Variants in RASSF8 observed in about 807,000 individuals in gnomAD.
The protein encoded by RASSF8 is Ras association domain family member 8.
A neutral mutation model predicts 48.5 loss-of-function variants in RASSF8; 22 were observed. That is an observed-to-expected ratio of 0.45 (90% CI 0.32 to 0.65). The LOEUF (loss-of-function observed/expected upper bound fraction) is 0.65. Ranked by LOEUF, RASSF8 falls within the 30% of genes least tolerant of loss-of-function variation. The pLI is 0.03. For missense variants in RASSF8, 418 were observed against 489.2 expected (o/e 0.85, Z 1.37); for synonymous variants, 127 against 171.5 (o/e 0.74, Z 2.03).
intron 2 of RASSF8, among the ~76,000 whole-genome samples, chr12:26,041,597 G>A (rs908621240): frequency 4.1e-4 from 62 of 152,108 alleles, no homozygotes; most frequent in Middle Eastern, 3.4e-3. Context: ...GAGTGGGGGG[G>A]TGTACACACC....
intron 2 of RASSF8, among the ~76,000 whole-genome samples, chr12:26,013,632 T>C (rs1592266634): frequency 7.9e-5 from 1 of 12,580 alleles, no homozygotes; most frequent in African/African-American, 2.3e-4. Flanking sequence ...AAAACTTCAC[T>C]TTTTTTTTTT....
intron 2 of RASSF8, among the ~76,000 whole-genome samples, chr12:26,005,602 C>A (rs189479294): frequency 6.6e-6 from 1 of 152,172 alleles, no homozygotes; most frequent in Admixed American, 6.5e-5. Context: ...AAGGCTATTT[C>A]TTTTATCTAA....
chr12:26,017,815 C>T (rs1242450548), intron 2 of RASSF8, among the ~76,000 whole-genome samples: 1 of 152,176 alleles, frequency 6.6e-6, no homozygotes, highest in East Asian at 1.9e-4. Flanking sequence ...CCTCTCTTGG[C>T]AAAACTTCAC....
chr12:26,032,253 A>G (rs567271012), intron 2 of RASSF8, among the ~76,000 whole-genome samples: 36 of 152,314 alleles, frequency 2.4e-4, no homozygotes, highest in African/African-American at 8.4e-4. Flanking sequence ...TTATGGGAAT[A>G]TTGTGTATGT....
Position 26,070,326 on chromosome 12 carries a change from G to A in RASSF8, c.*1508G>A. 1 of 985,322 alleles carries A rather than the reference G, an allele frequency of 1.0e-6. No individual in the cohort carries two copies. The highest frequency in any genetic ancestry group is 1.2e-6 in the Non-Finnish European group (1 of 829,874). 61.0% of individuals were successfully genotyped at this position (985,322 alleles called of 1,614,324 possible). A position where few individuals can be genotyped will look rare whatever the true frequency, so the allele number is the denominator to read the frequency against. On this transcript the variant is annotated 3_prime_UTR_variant, in exon 6 of 6. Transcript: ENST00000689635. ...TGGTTTAGTGAATGCTGACAATGCT[G>A]CTCTACTTAGGTTTCCTATGAAATT...
chr12:25,967,350 C>T (rs1388646739), intron 1 of RASSF8, among the ~76,000 whole-genome samples: 1 of 152,110 alleles, frequency 6.6e-6, no homozygotes, highest in Non-Finnish European at 1.5e-5. Context: ...ACATACATAC[C>T]TTATCCCTTT....
chr12:26,070,221 A>G lies in RASSF8; in HGVS notation c.*1403A>G, dbSNP rs1349745030. On this transcript the variant is annotated 3_prime_UTR_variant, in exon 6 of 6. Transcript: ENST00000689635. ...TGCAACAAAATAAAAGTGGATTAATATAGTAATGCCATGGTAACAATAGAG... is the reference window on the plus strand; with the variant it reads ...TGCAACAAAATAAAAGTGGATTAATGTAGTAATGCCATGGTAACAATAGAG... 9 of 970,460 alleles carry G rather than the reference A, an allele frequency of 9.3e-6. No individual in the cohort carries two copies. Among genetic ancestry groups the G allele is most frequent in the South Asian group, 9.6e-5 (2 of 20,928 alleles). The allele number at this position is 970,460 out of a possible 1,614,324, so 60.1% of individuals were successfully genotyped here. A position where few individuals can be genotyped will look rare whatever the true frequency, so the allele number is the denominator to read the frequency against.
At chr12:26,068,540 G>T (rs1488762524) in intron 5 of RASSF8, among the ~76,000 whole-genome samples, 157 bp from the exon 6 acceptor site, 1 of 152,154 alleles carries the variant, frequency 6.6e-6, no homozygotes, top group Non-Finnish European at 1.5e-5. Context: ...ACCTGAGAAG[G>T]TTTTAGCCTT....
At position 26,071,411 on chromosome 12, in the gene RASSF8, A is replaced by T. The variant is rs531682607; in HGVS notation, c.*2593A>T. On this transcript the variant is annotated 3_prime_UTR_variant, in exon 6 of 6. Coordinates refer to ENST00000689635, the MANE Select transcript of RASSF8 (RefSeq NM_001394098.1). ...GATTTCAATGTTTTGTGTTTTTTTT[A>T]AAAAAATCATATTGCAACTTGTTTT... 1.3e-4 allele frequency: 118 copies of T among 942,012 alleles called. No individual in the cohort carries two copies. The African/African-American group carries it at 1.6e-3, about 13-fold the overall frequency. 58.4% of individuals were successfully genotyped at this position (942,012 alleles called of 1,614,324 possible). A position where few individuals can be genotyped will look rare whatever the true frequency, so the allele number is the denominator to read the frequency against.
intron 2 of RASSF8, among the ~76,000 whole-genome samples, chr12:26,012,377 C>A (rs987951440): frequency 6.6e-6 from 1 of 152,162 alleles, no homozygotes; most frequent in Non-Finnish European, 1.5e-5. Flanking sequence ...TCCTCTTTTT[C>A]CTCAAATAGC....
At chr12:25,972,340 A>G (rs1941503323) in intron 1 of RASSF8, among the ~76,000 whole-genome samples, 1 of 152,126 alleles carries the variant, frequency 6.6e-6, no homozygotes, top group Admixed American at 6.5e-5. Flanking sequence ...AGGATACAGT[A>G]AGTACATAAA....
intron 3 of RASSF8, among the ~76,000 whole-genome samples, chr12:26,063,655 C>G (rs1301070147): frequency 6.6e-6 from 1 of 152,094 alleles, no homozygotes; most frequent in African/African-American, 2.4e-5. Flanking sequence ...CCACCTTTGC[C>G]TCCCAAAATA....
In RASSF8 at chr12:26,001,806, A is replaced by G. The variant is rs989286489; in HGVS notation, c.-109+6676A>G. 2.6e-5 allele frequency among the ~76,000 whole-genome samples: 4 copies of G among 152,218 alleles called. No homozygotes were observed. In the South Asian group the frequency reaches 8.3e-4, roughly 32 times the overall value. Reference sequence around the variant, plus strand: ...TTAACTTAAAAAAAAAAAGGAAGGAATACCCTTTAAAGTGTGGATTAAGAG... The same window carrying G: ...TTAACTTAAAAAAAAAAAGGAAGGAGTACCCTTTAAAGTGTGGATTAAGAG... On this transcript the variant is annotated intron_variant, in intron 2 of 5. Coordinates refer to ENST00000689635, the MANE Select transcript of RASSF8 (RefSeq NM_001394098.1).
exon 6 of RASSF8, chr12:26,079,640 A>G (rs1440270058): frequency 6.6e-6 from 1 of 152,170 alleles, no homozygotes; most frequent in Admixed American, 6.6e-5. Flanking sequence ...AAAACAGCCA[A>G]CAGGTATATG....
rs548200768 is a variant in RASSF8 at position 26,019,728 on chromosome 12, C to G, written c.-109+24598C>G. On this transcript the variant is annotated intron_variant, in intron 2 of 5. Coordinates refer to ENST00000689635, the MANE Select transcript of RASSF8 (RefSeq NM_001394098.1). ...ACCATGTTATTTTTAAAAATTATTA[C>G]TATTTTTTATTATGTCATATTGTAG... 1.3e-3 allele frequency among the ~76,000 whole-genome samples: 197 copies of G among 152,188 alleles called. 2 individuals carry two copies. Among genetic ancestry groups the G allele is most frequent in the African/African-American group, 4.6e-3 (190 of 41,506 alleles).
At chr12:25,983,522 C>T (rs142673228) in intron 1 of RASSF8, among the ~76,000 whole-genome samples, 44 of 152,260 alleles carry the variant, frequency 2.9e-4, no homozygotes, top group African/African-American at 9.4e-4. Flanking sequence ...TGGCTTTTCT[C>T]ATTTATTCTT....
chr12:26,006,133 G>T (rs1047661687), intron 2 of RASSF8, among the ~76,000 whole-genome samples: 2 of 152,144 alleles, frequency 1.3e-5, no homozygotes, highest in Admixed American at 1.3e-4. Flanking sequence ...TACTCATATT[G>T]TAGGAAGGGC....
intron 2 of RASSF8, among the ~76,000 whole-genome samples, chr12:25,999,231 T>G (rs1361999269): frequency 1.3e-5 from 2 of 152,198 alleles, no homozygotes; most frequent in Non-Finnish European, 2.9e-5. Flanking sequence ...AAACCCAAAT[T>G]AGTTTCCTGA....
intron 2 of RASSF8, among the ~76,000 whole-genome samples, chr12:26,034,469 T>G (rs1943090931): frequency 6.6e-6 from 1 of 152,078 alleles, no homozygotes; most frequent in South Asian, 2.1e-4. Context: ...TGGGCCGCAT[T>G]TAAAGCCATC....
Sources: gnomAD v4.1 joint callset for allele counts (sites outside exome capture counted in the v4.1 genomes callset) on GRCh38, gnomAD v4.1.1 for gene constraint, MANE v1.5 for transcripts, NCBI Gene and HGNC (gene_info 2026-07-23, HGNC 2026-07-21) for gene names.